FADS6: variants seen among roughly 807,000 people sequenced by gnomAD.
FADS6 encodes fatty acid desaturase 6, also known as fatty acid desaturase domain family, member 6.
Under a neutral mutation model 31.7 loss-of-function variants are expected in FADS6, and 28 were observed. The observed-to-expected ratio is 0.88, with a 90% confidence interval of 0.66 to 1.21. FADS6 has a LOEUF of 1.21. Ranked by LOEUF, FADS6 falls within the 50% of genes most tolerant of loss-of-function variation. The probability of loss-of-function intolerance (pLI) is 0.00; values close to 1 mark genes in which losing one functional copy is unlikely to be tolerated. For synonymous variants in FADS6, 191 were observed against 213.1 expected, an observed-to-expected ratio of 0.90 and a Z score of 0.90; for missense variants, 494 against 504.2, an observed-to-expected ratio of 0.98 and a Z score of 0.19.
chr17:74,881,055 G>A lies in FADS6; in HGVS notation c.780+13C>T, dbSNP rs773934212. 5 of 1,608,488 alleles carry A rather than the reference G, an allele frequency of 3.1e-6. No homozygotes were observed. The highest frequency in any genetic ancestry group is 4.2e-6 in the Non-Finnish European group (5 of 1,177,134). On this transcript the variant is annotated intron_variant, in intron 4 of 5. Transcript: ENST00000612771. Reference sequence around the variant, plus strand: ...CCTTAGCTGCCCAGCGCCCCAGGTTGGGGTGGCCTCACCTGGAAGATGTTG... The same window carrying A: ...CCTTAGCTGCCCAGCGCCCCAGGTTAGGGTGGCCTCACCTGGAAGATGTTG...
chr17:74,893,207 G>T, intron 1 of FADS6, 145 bp downstream of exon 1: 3 of 952,174 alleles, frequency 3.2e-6, no homozygotes, highest in South Asian at 1.9e-5. Context: ...GCGGGGCCCC[G>T]ACCACCTCCG....
chr17:74,881,212 C>T lies in FADS6; in HGVS notation c.636G>A (p.Leu212=), dbSNP rs778309649. 6.2e-7 allele frequency: 1 copy of T among 1,608,976 alleles called. No individual in the cohort carries two copies. Among genetic ancestry groups the T allele is most frequent in the South Asian group, 1.1e-5 (1 of 90,348 alleles). ...AATAAAGGCCCAGAGAAATCAGGGCCAGCGTCCGCAGGGCTGTCCCGAGCT... is the reference window on the plus strand; with the variant it reads ...AATAAAGGCCCAGAGAAATCAGGGCTAGCGTCCGCAGGGCTGTCCCGAGCT... The part of the protein sequence containing the change: ...KVELGTALRT[L]ALISLGLYSH... The change falls in exon 4 of 6, where the codon CTG becomes CTA. Residue 212 remains leucine (L), a synonymous_variant. Coordinates refer to ENST00000612771, the MANE Select transcript of FADS6 (RefSeq NM_178128.6).
intron 5 of FADS6, chr17:74,879,181 C>T (rs2038539437): frequency 5.6e-6 from 3 of 535,658 alleles, no homozygotes; most frequent in Non-Finnish European, 9.8e-6. Flanking sequence ...GGACCACAAG[C>T]ATGTGCCACC....
At chr17:74,891,897 C>T (rs2038693121) in intron 2 of FADS6, among the ~76,000 whole-genome samples, 1 of 152,178 alleles carries the variant, frequency 6.6e-6, no homozygotes, top group Admixed American at 6.5e-5. Context: ...GCGACGGTCC[C>T]CCTGGAAAGG....
chr17:74,889,835 C>T (rs1448114665), intron 2 of FADS6, among the ~76,000 whole-genome samples: 3 of 117,164 alleles, frequency 2.6e-5, no homozygotes, highest in Non-Finnish European at 4.8e-5. Flanking sequence ...TGCATCATTG[C>T]ACTGAAGCCT....
chr17:74,879,335 C>T (rs756840109), intron 5 of FADS6, 69 bp downstream of exon 5: 27 of 1,557,532 alleles, frequency 1.7e-5, no homozygotes, highest in Non-Finnish European at 2.1e-5. Flanking sequence ...GCCCCCAGGC[C>T]GAAGAATCTT....
intron 3 of FADS6, 137 bp downstream of exon 3, chr17:74,882,393 C>G: frequency 9.6e-7 from 1 of 1,042,124 alleles, no homozygotes; most frequent in Non-Finnish European, 1.4e-6. Flanking sequence ...GAGGCTCTTT[C>G]TACCTTGCCA....
chr17:74,884,518 G>A (rs1027294456), intron 2 of FADS6, among the ~76,000 whole-genome samples: 2 of 152,120 alleles, frequency 1.3e-5, no homozygotes, highest in African/African-American at 4.8e-5. Flanking sequence ...GAGGTTTCAC[G>A]GGCTCAGCGT....
intron 2 of FADS6, among the ~76,000 whole-genome samples, chr17:74,888,957 T>C (rs147974570): frequency 3.9e-4 from 60 of 152,314 alleles, no homozygotes; most frequent in African/African-American, 1.4e-3. Flanking sequence ...GCTGGGCAGG[T>C]ACTCTCGCTG....
intron 5 of FADS6, among the ~76,000 whole-genome samples, chr17:74,878,868 T>C (rs916173949): frequency 6.6e-6 from 1 of 152,164 alleles, no homozygotes; most frequent in African/African-American, 2.4e-5. Flanking sequence ...CTAGAGGCAT[T>C]CAGTTCACTT....
chr17:74,876,911 C>T (rs376682630), downstream of FADS6, among the ~76,000 whole-genome samples: 1 of 152,154 alleles, frequency 6.6e-6, no homozygotes, highest in South Asian at 2.1e-4. Context: ...TAGCACCCTC[C>T]CAGTCCAGCC....
At chr17:74,876,474 C>T (rs1318793595), downstream of FADS6, among the ~76,000 whole-genome samples, 2 of 152,048 alleles carry the variant, frequency 1.3e-5, no homozygotes, top group African/African-American at 4.8e-5. Flanking sequence ...CACAGGACAG[C>T]CCCCAACAAC....
chr17:74,882,740 G>C (rs1231164572), intron 2 of FADS6, 30 bp from the exon 3 acceptor site: 1 of 1,593,068 alleles, frequency 6.3e-7, no homozygotes, highest in Non-Finnish European at 8.5e-7. Flanking sequence ...ATGACACTGG[G>C]GTCCCTGTCA....
intron 3 of FADS6, among the ~76,000 whole-genome samples, chr17:74,881,508 G>T (rs1388837295): frequency 6.6e-6 from 1 of 152,116 alleles, no homozygotes; most frequent in African/African-American, 2.4e-5. Context: ...GACCAGCCTG[G>T]GAAACATGGT....
At chr17:74,893,083 C>T (rs2038709680) in intron 1 of FADS6, among the ~76,000 whole-genome samples, 1 of 152,168 alleles carries the variant, frequency 6.6e-6, no homozygotes, top group African/African-American at 2.4e-5. Context: ...GCCACTCCCC[C>T]GCTCCTCTCA....
chr17:74,879,532 T>C lies in FADS6; in HGVS notation c.832A>G (p.Met278Val). The C allele has an allele frequency of 1.2e-6, 2 of 1,613,678 alleles. No individual in the cohort carries two copies. The highest frequency in any genetic ancestry group is 1.7e-6 in the Non-Finnish European group (2 of 1,179,862). Reference protein sequence around the residue: ...SRDNKPRRIHMMSLGVLNLAR... With the variant: ...SRDNKPRRIHVMSLGVLNLAR... Reference sequence around the variant, plus strand: ...AGGTTAAGCACCCCCAGGCTCATCATGTGAATCCGACGGGGCTTGTTGTCC... The same window carrying C: ...AGGTTAAGCACCCCCAGGCTCATCACGTGAATCCGACGGGGCTTGTTGTCC... Residue 278 changes from methionine to valine, a missense_variant, in exon 5 of 6, where the codon ATG (methionine) becomes GTG (valine). By Grantham distance (21) the Met-to-Val change is conservative. This residue lies in a region of FADS6 where 454 missense variants were observed against 438.5 expected (regional missense o/e 1.04). Transcript: ENST00000612771.
chr17:74,888,159 C>G (rs1472626288), intron 2 of FADS6, among the ~76,000 whole-genome samples: 14 of 95,192 alleles, frequency 1.5e-4, no homozygotes, highest in Non-Finnish European at 1.2e-4. Context: ...CACACACGCG[C>G]GCGCGCGCGC....
intron 2 of FADS6, among the ~76,000 whole-genome samples, chr17:74,890,907 T>C (rs573629114): frequency 1.3e-5 from 2 of 152,224 alleles, no homozygotes; most frequent in South Asian, 4.1e-4. Flanking sequence ...CTGTGGAACT[T>C]GGTAAAAACA....
At chr17:74,889,995 C>T (rs946701060) in intron 2 of FADS6, among the ~76,000 whole-genome samples, 6 of 152,030 alleles carry the variant, frequency 3.9e-5, no homozygotes, top group Non-Finnish European at 7.4e-5. Flanking sequence ...CAGGACCAGG[C>T]CCTCCATTAA....
Sources: gnomAD v4.1 joint callset for allele counts (sites outside exome capture counted in the v4.1 genomes callset) on GRCh38, gnomAD v4.1.1 for gene constraint, gnomAD v4.1.1 regional missense constraint, MANE v1.5 for transcripts, NCBI Gene and HGNC (gene_info 2026-07-23, HGNC 2026-07-21) for gene names.